SNRPN: variants seen among roughly 807,000 people sequenced by gnomAD.
SNRPN encodes the protein small nuclear ribonucleoprotein-associated protein N.
Under a neutral mutation model 25.2 loss-of-function variants are expected in SNRPN, and 7 were observed. The observed-to-expected ratio is 0.28, with a 90% CI of 0.16 to 0.52. The LOEUF (loss-of-function observed/expected upper bound fraction) is 0.52, where lower values mean the gene tolerates loss of function less well. SNRPN is among the 20% of genes least tolerant of loss of function. SNRPN has a pLI of 0.96. For synonymous variants in SNRPN, 124 were observed against 110.6 expected (o/e 1.12, Z -0.76); for missense variants, 196 against 322.5 (o/e 0.61, Z 3.00).
rs73354168 is a variant in SNRPN at position 24,943,461 on chromosome 15, G to T, written c.-390-18653G>T. On this transcript the variant is annotated intron_variant, in intron 3 of 11. Coordinates refer to the SNRPN transcript ENST00000400097. ...ATAGAGAAAGCAGTGTAGCAGGAGT[G>T]GGGGCCGTGGACATTTGAGCCACTT... Among the ~76,000 whole-genome samples the T allele has an allele frequency of 2.5e-3, 373 of 152,058 alleles. 2 individuals carry two copies. The highest frequency in any genetic ancestry group is 8.5e-3 in the African/African-American group (353 of 41,478).
chr15:24,923,150 C>G (rs184651516), intron 3 of SNRPN, among the ~76,000 whole-genome samples: 4 of 152,188 alleles, frequency 2.6e-5, no homozygotes, highest in Non-Finnish European at 5.9e-5. Context: ...GGGTGATCTG[C>G]CTGCCTCAGC....
At chr15:24,830,584 T>C (rs2050435309) in intron 2 of SNRPN, among the ~76,000 whole-genome samples, 3 of 152,136 alleles carry the variant, frequency 2.0e-5, no homozygotes. Flanking sequence ...GTAATTTTCC[T>C]CTAAGCTTCC....
chr15:24,868,920 T>C (rs760929370), intron 1 of SNRPN, among the ~76,000 whole-genome samples: 1 of 152,092 alleles, frequency 6.6e-6, no homozygotes, highest in Non-Finnish European at 1.5e-5. Context: ...GAGGATCACT[T>C]GAGGCCAGGA....
chr15:24,823,883 C>T (rs576671172), intron 1 of SNRPN: 2 of 152,048 alleles, frequency 1.3e-5, no homozygotes, highest in African/African-American at 2.4e-5. Flanking sequence ...AACTTGCATG[C>T]GATTGTCTTT....
intron 2 of SNRPN, among the ~76,000 whole-genome samples, chr15:24,899,556 AT>A (rs1256011638): frequency 6.6e-6 from 1 of 152,202 alleles, no homozygotes; most frequent in East Asian, 1.9e-4. Context: ...TGCATGAGCA[AT>A]CCTGCAGCAA....
intron 2 of SNRPN, among the ~76,000 whole-genome samples, chr15:24,911,643 G>A (rs2059224369): frequency 1.3e-5 from 2 of 152,232 alleles, no homozygotes; most frequent in Admixed American, 1.3e-4. Context: ...CTGCAGGCAT[G>A]CTAAATCCAC....
chr15:24,889,040 C>T (rs1258911187), intron 2 of SNRPN, among the ~76,000 whole-genome samples: 4 of 151,984 alleles, frequency 2.6e-5, no homozygotes, highest in African/African-American at 9.7e-5. Flanking sequence ...GCCTCAGCCT[C>T]CCGAGTAGCT....
rs1297094910 is a variant in SNRPN, at chr15:24,897,973, TA to T, written c.-505+11387del. ...TTAATACATGAATAAAAAAAGTTGC[TA>T]AATATGTAGAACTACACTCTGTGTC... On this transcript the variant is annotated intron_variant, in intron 2 of 11. Coordinates refer to the SNRPN transcript ENST00000400097. Among the ~76,000 whole-genome samples the T allele has an allele frequency of 5.9e-5, 9 of 152,100 alleles. No individual in the cohort carries two copies. The East Asian group carries it at 1.7e-3, about 29-fold the overall frequency.
chr15:24,832,117 A>G (rs1603730), intron 2 of SNRPN, among the ~76,000 whole-genome samples: 21,397 of 151,658 alleles, frequency 0.14, 1,761 homozygotes, highest in East Asian at 0.28. Flanking sequence ...TTACATTCCC[A>G]CCGACAGTAC....
At chr15:24,870,290 G>C (rs1350753193) in intron 1 of SNRPN, among the ~76,000 whole-genome samples, 1 of 152,106 alleles carries the variant, frequency 6.6e-6, no homozygotes, top group African/African-American at 2.4e-5. Flanking sequence ...CTGATACTGG[G>C]TCATCTGTCG....
At chr15:24,957,015 C>T (rs1484013521) in intron 1 of SNRPN, among the ~76,000 whole-genome samples, 2 of 152,182 alleles carry the variant, frequency 1.3e-5, no homozygotes, top group Non-Finnish European at 2.9e-5. Flanking sequence ...CGTACCTTTT[C>T]ATTTTTGTAG....
chr15:24,958,061 A>G (rs2063206623), intron 1 of SNRPN, among the ~76,000 whole-genome samples: 2 of 152,048 alleles, frequency 1.3e-5, no homozygotes, highest in Non-Finnish European at 2.9e-5. Flanking sequence ...ACTGATTTGG[A>G]TTTATTCACA....
At chr15:24,946,670 A>G (rs2153140159) in intron 3 of SNRPN, among the ~76,000 whole-genome samples, 1 of 152,274 alleles carries the variant, frequency 6.6e-6, no homozygotes, top group Non-Finnish European at 1.5e-5. Context: ...GGGTCTCCCT[A>G]TGTTATGCAG....
chr15:24,950,544 CTTTTTTT>C (rs1024998270), upstream of SNRPN, among the ~76,000 whole-genome samples: 326 of 97,134 alleles, frequency 3.4e-3, no homozygotes, highest in African/African-American at 0.012. Context: ...GTTCTCATTT[CTTTTTTT>C]TTTTTTTTTT....
chr15:24,953,934 T>C (rs914613540), upstream of SNRPN, among the ~76,000 whole-genome samples: 1 of 152,216 alleles, frequency 6.6e-6, no homozygotes, highest in African/African-American at 2.4e-5. Context: ...TGTAGGATCA[T>C]TGGGAACTGA....
At chr15:24,875,091 A>G (rs926717665) in intron 1 of SNRPN, among the ~76,000 whole-genome samples, 3 of 152,250 alleles carry the variant, frequency 2.0e-5, no homozygotes, top group Non-Finnish European at 2.9e-5. Flanking sequence ...ATTGACTCAA[A>G]TAATAACTAT....
chr15:24,955,580 T>G, intron 1 of SNRPN, among the ~76,000 whole-genome samples: 1 of 108,014 alleles, frequency 9.3e-6, no homozygotes, highest in East Asian at 2.7e-4. Flanking sequence ...CACTGCGTGG[T>G]GGAGCAGGGT....
At chr15:24,977,552 C>T (rs1033217110) in intron 7 of SNRPN, among the ~76,000 whole-genome samples, 3 of 152,012 alleles carry the variant, frequency 2.0e-5, no homozygotes, top group Admixed American at 6.5e-5. Flanking sequence ...ACAGGAGAAT[C>T]GCTTGAACCC....
chr15:24,925,977 G>T (rs1260213330), intron 3 of SNRPN, among the ~76,000 whole-genome samples: 1 of 151,988 alleles, frequency 6.6e-6, no homozygotes, highest in Non-Finnish European at 1.5e-5. Context: ...CTTGTGATCC[G>T]CCCGCCTCGG....
Sources: gnomAD v4.1 joint callset for allele counts (sites outside exome capture counted in the v4.1 genomes callset) on GRCh38, gnomAD v4.1.1 for gene constraint, MANE v1.5 for transcripts, NCBI Gene and HGNC (gene_info 2026-07-23, HGNC 2026-07-21) for gene names.